Variants in HS6ST3 observed in about 807,000 individuals in gnomAD.
HS6ST3 encodes heparan sulfate 6-O-sulfotransferase 3.
HS6ST3 carries 12 observed loss-of-function variants against 36.7 expected under a neutral mutation model. The observed-to-expected ratio is 0.33, with a 90% CI of 0.21 to 0.53. The LOEUF (loss-of-function observed/expected upper bound fraction) is 0.53. Ranked by LOEUF, HS6ST3 falls within the 20% of genes least tolerant of loss-of-function variation. HS6ST3 has a pLI of 0.95. For synonymous variants in HS6ST3, 240 were observed against 257.5 expected, an observed-to-expected ratio of 0.93 and a Z score of 0.65; for missense variants, 584 against 640.9, an observed-to-expected ratio of 0.91 and a Z score of 0.96.
rs1396914606 is a variant in HS6ST3 at position 96,835,435 on chromosome 13, T to C, written c.*2237T>C. Reference sequence around the variant, plus strand: ...TGGTAGAGATTAGGCTCACAAAATATTTCTCCATTTCCAGTGATTTGTTCC... The same window carrying C: ...TGGTAGAGATTAGGCTCACAAAATACTTCTCCATTTCCAGTGATTTGTTCC... On this transcript the variant is annotated 3_prime_UTR_variant, in exon 2 of 2. Transcript: ENST00000376705. 1.3e-5 allele frequency: 2 copies of C among 152,134 alleles called. No individual in the cohort carries two copies. The highest frequency in any genetic ancestry group is 3.9e-4 in the East Asian group (2 of 5,178). The allele number at this position is 152,134 out of a possible 1,614,324, so 9.4% of individuals were successfully genotyped here. A position where few individuals can be genotyped will look rare whatever the true frequency, so the allele number is the denominator to read the frequency against.
chr13:96,214,273 G>T (rs186052209), intron 1 of HS6ST3, among the ~76,000 whole-genome samples: 2 of 152,106 alleles, frequency 1.3e-5, no homozygotes, highest in Non-Finnish European at 2.9e-5. Flanking sequence ...AATCTCATTT[G>T]GGGATATGGT....
chr13:96,400,155 T>TCACACACACACACACACA (rs55957302), intron 1 of HS6ST3, among the ~76,000 whole-genome samples: 19 of 145,472 alleles, frequency 1.3e-4, no homozygotes, highest in African/African-American at 4.1e-4. Context: ...AGTGCTGAAA[T>TCACACACACACACACACA]CACACACACA....
chr13:96,472,429 C>G (rs989984905), intron 1 of HS6ST3, among the ~76,000 whole-genome samples: 3 of 152,096 alleles, frequency 2.0e-5, no homozygotes, highest in Non-Finnish European at 2.9e-5. Context: ...TTTCTGACTC[C>G]CCTCTGGCCT....
chr13:96,837,502 C>A lies in HS6ST3; in HGVS notation c.*4304C>A, dbSNP rs1310521913. 1 of 152,190 alleles carries A rather than the reference C, an allele frequency of 6.6e-6. No homozygotes were observed. The highest frequency in any genetic ancestry group is 1.5e-5 in the Non-Finnish European group (1 of 68,046). 9.4% of individuals were successfully genotyped at this position (152,190 alleles called of 1,614,324 possible). A position where few individuals can be genotyped will look rare whatever the true frequency, so the allele number is the denominator to read the frequency against. The stretch of plus-strand genomic sequence containing the variant: ...TCATAGTCTTTCCGACTACTTTATG[C>A]AGCTCAGCATCAGTACTGGGATTGG... On this transcript the variant is annotated 3_prime_UTR_variant, in exon 2 of 2. Coordinates refer to ENST00000376705, the MANE Select transcript of HS6ST3 (RefSeq NM_153456.4).
intron 1 of HS6ST3, among the ~76,000 whole-genome samples, chr13:96,094,535 G>A (rs527680): frequency 0.34 from 51,771 of 152,014 alleles, 10,080 homozygotes; most frequent in East Asian, 0.45. Flanking sequence ...CTTTGCAGGG[G>A]GCAAGGTGGG....
intron 1 of HS6ST3, among the ~76,000 whole-genome samples, chr13:96,162,232 A>G (rs1005137060): frequency 4.6e-5 from 7 of 152,206 alleles, no homozygotes; most frequent in Non-Finnish European, 7.3e-5. Context: ...ATAAGCTCCA[A>G]TATCCATCTA....
At chr13:96,176,678 A>G (rs918688687) in intron 1 of HS6ST3, among the ~76,000 whole-genome samples, 6 of 152,218 alleles carry the variant, frequency 3.9e-5, no homozygotes, top group African/African-American at 1.2e-4. Flanking sequence ...GAGAAACTCT[A>G]TGGGACAAAT....
intron 1 of HS6ST3, among the ~76,000 whole-genome samples, chr13:96,550,299 T>G (rs2056214855): frequency 6.6e-6 from 1 of 152,072 alleles, no homozygotes; most frequent in South Asian, 2.1e-4. Flanking sequence ...AACCCCCTTC[T>G]TTCTCTCCTG....
At chr13:96,123,816 A>T (rs9590361) in intron 1 of HS6ST3, among the ~76,000 whole-genome samples, 5,918 of 152,182 alleles carry the variant, frequency 0.039, 184 homozygotes, top group African/African-American at 0.088. Context: ...TCTATACCTT[A>T]ATTTTCACAA....
chr13:96,747,589 A>G (rs1218666871), intron 1 of HS6ST3, among the ~76,000 whole-genome samples: 1 of 152,106 alleles, frequency 6.6e-6, no homozygotes, highest in Non-Finnish European at 1.5e-5. Context: ...GTAACTTTAC[A>G]ACTAATAATA....
intron 1 of HS6ST3, among the ~76,000 whole-genome samples, chr13:96,704,136 A>G (rs569891969): frequency 1.2e-4 from 19 of 152,342 alleles, no homozygotes; most frequent in Admixed American, 7.8e-4. Flanking sequence ...ATTAACTCCA[A>G]ATATCTCAGA....
At chr13:96,219,744 C>T (rs189073356) in intron 1 of HS6ST3, among the ~76,000 whole-genome samples, 63 of 151,986 alleles carry the variant, frequency 4.1e-4, no homozygotes, top group African/African-American at 1.4e-3. Context: ...AGTGCAGTGG[C>T]GTGATCTTGG....
chr13:96,459,918 T>G (rs2055775628), intron 1 of HS6ST3, among the ~76,000 whole-genome samples: 1 of 152,336 alleles, frequency 6.6e-6, no homozygotes, highest in South Asian at 2.1e-4. Flanking sequence ...GTAGGAGTGA[T>G]GTAAAATTTG....
chr13:96,278,419 A>C (rs2054759009), intron 1 of HS6ST3, among the ~76,000 whole-genome samples: 1 of 152,110 alleles, frequency 6.6e-6, no homozygotes, highest in Non-Finnish European at 1.5e-5. Flanking sequence ...CACTGGCAAA[A>C]CTCTTTTTTA....
At chr13:96,328,296 A>G (rs1200060233) in intron 1 of HS6ST3, among the ~76,000 whole-genome samples, 1 of 150,064 alleles carries the variant, frequency 6.7e-6, no homozygotes, top group African/African-American at 2.4e-5. Context: ...TTGCCCATTC[A>G]GTATGATATT....
chr13:96,463,514 A>G (rs187625030), intron 1 of HS6ST3, among the ~76,000 whole-genome samples: 4 of 152,342 alleles, frequency 2.6e-5, no homozygotes, highest in Admixed American at 1.3e-4. Flanking sequence ...ATATAGGATT[A>G]TGTTTTTATG....
At chr13:96,324,738 G>A (rs2055021876) in intron 1 of HS6ST3, among the ~76,000 whole-genome samples, 1 of 152,176 alleles carries the variant, frequency 6.6e-6, no homozygotes, top group African/African-American at 2.4e-5. Context: ...AAGCTAAAGA[G>A]GGAGAACACC....
At chr13:96,529,944 C>T (rs2056129009) in intron 1 of HS6ST3, among the ~76,000 whole-genome samples, 1 of 152,200 alleles carries the variant, frequency 6.6e-6, no homozygotes, top group East Asian at 1.9e-4. Context: ...TGTCTCAATA[C>T]CTCAAGGAAT....
At chr13:96,306,304 A>G (rs776293970) in intron 1 of HS6ST3, among the ~76,000 whole-genome samples, 15 of 151,830 alleles carry the variant, frequency 9.9e-5, no homozygotes, top group South Asian at 2.1e-4. Flanking sequence ...GGGTTTCACC[A>G]TGTTGGCCAG....
Sources: gnomAD v4.1 joint callset for allele counts (sites outside exome capture counted in the v4.1 genomes callset) on GRCh38, gnomAD v4.1.1 for gene constraint, MANE v1.5 for transcripts, NCBI Gene and HGNC (gene_info 2026-07-23, HGNC 2026-07-21) for gene names.